Variants in RASSF4 observed in about 807,000 individuals in gnomAD.
RASSF4 encodes Ras association domain family member 4, also known as ras association domain-containing protein 4.
A neutral mutation model predicts 41.1 loss-of-function variants in RASSF4; 38 were observed. The ratio of observed to expected loss-of-function variants is 0.92; its 90% CI spans 0.71 to 1.21. The LOEUF is 1.21. RASSF4 is among the 50% of genes most tolerant of loss of function. The pLI, the probability that RASSF4 is intolerant of heterozygous loss-of-function variation, is 0.00. For missense variants in RASSF4, 414 were observed against 419.4 expected, an observed-to-expected ratio of 0.99 and a Z score of 0.11; for synonymous variants, 179 against 163.4, an observed-to-expected ratio of 1.10 and a Z score of -0.73.
Position 44,981,164 on chromosome 10 carries a change from G to C in RASSF4, c.139-1357G>C, listed in dbSNP as rs368342417. On this transcript the variant is annotated intron_variant, in intron 3 of 10. Transcript: ENST00000340258. ...ACAAAGAAGTTTCCATGGCGTCCCT[G>C]TTCTCACAGGGCTTTTAGTGCCAAC... 4 of 152,270 alleles carry C rather than the reference G, an allele frequency of 2.6e-5. No homozygotes were observed. In the East Asian group the frequency reaches 7.7e-4, roughly 29 times the overall value. The allele number at this position is 152,270 out of a possible 1,614,324, so 9.4% of individuals were successfully genotyped here.
chr10:44,963,002 C>G (rs1380081063), intron 1 of RASSF4, among the ~76,000 whole-genome samples: 2 of 152,160 alleles, frequency 1.3e-5, no homozygotes, highest in Non-Finnish European at 2.9e-5. Context: ...GGACTGGACT[C>G]AGAGAGACCT....
At chr10:44,982,851 C>T in intron 4 of RASSF4, 188 bp downstream of exon 4, 5 of 713,348 alleles carry the variant, frequency 7.0e-6, no homozygotes, top group Non-Finnish European at 1.3e-5. Context: ...TCCCTCCTTC[C>T]TGGAGAACAT....
intron 3 of RASSF4, chr10:44,982,148 G>T (rs1255921311): frequency 3.4e-6 from 1 of 292,734 alleles, no homozygotes; most frequent in Non-Finnish European, 6.5e-6. Context: ...CCCCTCCCAG[G>T]TGCAGTGTGG....
chr10:44,964,474 G>A (rs12263146), intron 1 of RASSF4, among the ~76,000 whole-genome samples: 21,418 of 152,244 alleles, frequency 0.14, 1,878 homozygotes, highest in East Asian at 0.43. Context: ...GGCCTGTCCA[G>A]CTGCATCTGT....
chr10:44,975,587 C>T (rs1400803992), intron 3 of RASSF4, among the ~76,000 whole-genome samples: 1 of 130,208 alleles, frequency 7.7e-6, no homozygotes, highest in Non-Finnish European at 1.6e-5. Context: ...TTTCCACTCT[C>T]CCCACCCCCA....
chr10:44,970,380 C>T (rs77027215), intron 2 of RASSF4, 116 bp downstream of exon 2: 354 of 812,144 alleles, frequency 4.4e-4, no homozygotes, highest in Non-Finnish European at 6.6e-4. Flanking sequence ...TGATGGGGTG[C>T]CCTGGGGGAC....
At chr10:44,977,887 T>C (rs1438102800) in intron 3 of RASSF4, 2 of 1,612,356 alleles carry the variant, frequency 1.2e-6, no homozygotes, top group East Asian at 2.2e-5. Context: ...AGGTGGGCTG[T>C]GCCAGTCGAG....
chr10:44,962,158 A>C (rs1840733003), intron 1 of RASSF4, among the ~76,000 whole-genome samples: 1 of 152,224 alleles, frequency 6.6e-6, no homozygotes, highest in East Asian at 1.9e-4. Flanking sequence ...ACTGATGCCC[A>C]AGAGACGGCG....
chr10:44,980,688 C>T (rs547501382), intron 3 of RASSF4, among the ~76,000 whole-genome samples: 14 of 152,332 alleles, frequency 9.2e-5, no homozygotes, highest in African/African-American at 3.4e-4. Flanking sequence ...TGCGTCCAAG[C>T]CCGAGCCCCT....
chr10:44,993,289 C>A lies in RASSF4; in HGVS notation c.926C>A (p.Thr309Lys). 1 of 1,609,070 alleles carries A rather than the reference C, an allele frequency of 6.2e-7. No individual in the cohort carries two copies. The highest frequency in any genetic ancestry group is 8.5e-7 in the Non-Finnish European group (1 of 1,179,658). Residue 309 changes from threonine (T) to lysine (K), a missense_variant, in exon 11 of 11, where the codon ACG becomes AAG. Transcript: ENST00000340258. ...LTMKFQALRL[T>K]MLQRLEQLVE... ...TCCAGGTTCCAAGCCCTGCGTCTGA[C>A]GATGCTGCAGCGCCTGGAGCAGCTG...
chr10:44,967,569 C>T (rs1840952777), intron 1 of RASSF4, among the ~76,000 whole-genome samples: 1 of 152,262 alleles, frequency 6.6e-6, no homozygotes. Context: ...GAATGTCCCT[C>T]AGCGGAGTCA....
intron 3 of RASSF4, chr10:44,977,231 A>G: frequency 2.3e-6 from 2 of 871,384 alleles, no homozygotes; most frequent in Non-Finnish European, 1.8e-6. Context: ...CTGTTATCAT[A>G]TTCAGAGGGG....
chr10:44,975,137 G>C (rs750432770), intron 3 of RASSF4, among the ~76,000 whole-genome samples: 57 of 152,252 alleles, frequency 3.7e-4, no homozygotes, highest in East Asian at 1.7e-3. Context: ...CCGCGGGCGC[G>C]CTCCACATCC....
In RASSF4 at chr10:44,983,205, A is replaced by G. The variant is rs79441309; in HGVS notation, c.281+542A>G. 2,680 of 346,748 alleles carry G rather than the reference A, an allele frequency of 7.7e-3. 72 individuals are homozygous for G. The highest frequency in any genetic ancestry group is 0.05 in the African/African-American group (2,345 of 46,674). 21.5% of individuals were successfully genotyped at this position (346,748 alleles called of 1,614,324 possible). On this transcript the variant is annotated intron_variant, in intron 4 of 10. Coordinates refer to ENST00000340258, the MANE Select transcript of RASSF4 (RefSeq NM_032023.4). ...CCCACTCCCAAAAGACGCAGTTAGT[A>G]GCTGGGCCTTGCCTGCTTCTGCAGT...
intron 3 of RASSF4, chr10:44,977,382 T>TG: frequency 6.4e-7 from 1 of 1,556,546 alleles, no homozygotes. Flanking sequence ...AAGCCTTTAC[T>TG]GGGGAGGGGT....
intron 1 of RASSF4, among the ~76,000 whole-genome samples, chr10:44,964,077 A>G (rs1840809665): frequency 6.6e-6 from 1 of 152,216 alleles, no homozygotes; most frequent in Non-Finnish European, 1.5e-5. Flanking sequence ...CCCCACAAAC[A>G]CAAAAAAGGA....
At chr10:44,975,877 A>G (rs569689303) in intron 3 of RASSF4, among the ~76,000 whole-genome samples, 2 of 151,910 alleles carry the variant, frequency 1.3e-5, no homozygotes, top group African/African-American at 4.8e-5. Flanking sequence ...AGCATAGGGG[A>G]GTCTGCTGAC....
intron 2 of RASSF4, chr10:44,971,330 A>G (rs899494058): frequency 5.5e-6 from 2 of 363,852 alleles, no homozygotes; most frequent in African/African-American, 2.1e-5. Context: ...AGAAGCAGGC[A>G]CCCCTCAGGG....
At position 44,969,086 on chromosome 10, in the gene RASSF4, G is replaced by A. The variant is rs138359472; in HGVS notation, c.-38-1079G>A. Among the ~76,000 whole-genome samples the A allele has an allele frequency of 5.0e-4, 75 of 149,466 alleles. 1 individual carries two copies. The East Asian group carries it at 8.4e-3, about 17-fold the overall frequency. On this transcript the variant is annotated intron_variant, in intron 1 of 10. Transcript: ENST00000340258. ...AGTGTGAATGTATGTGTGTGTGCAT[G>A]TGATTGTGTATGCGTGTGTTTTTGT...
Sources: allele counts gnomAD v4.1 joint callset (sites outside exome capture counted in the v4.1 genomes callset), GRCh38; gene constraint gnomAD v4.1.1; transcripts MANE v1.5; gene names NCBI Gene and HGNC (gene_info 2026-07-23, HGNC 2026-07-21).